LRP1: variants seen among roughly 807,000 people sequenced by gnomAD.
LRP1 encodes LDL receptor related protein 1.
A neutral mutation model predicts 541.5 loss-of-function variants in LRP1; 51 were observed. The observed-to-expected ratio is 0.09, with a 90% CI of 0.08 to 0.12. The LOEUF is 0.12. Ranked by LOEUF, LRP1 falls within the 10% of genes least tolerant of loss-of-function variation. The pLI, the probability that LRP1 is intolerant of heterozygous loss-of-function variation, is 1.00. For synonymous variants in LRP1, 2,219 were observed against 2,470.8 expected (o/e 0.90, Z 3.02); for missense variants, 3,878 against 6,376.2 (o/e 0.61, Z 13.34).
At chr12:57,148,240 GTTAC>G (rs1050501241) in intron 6 of LRP1, among the ~76,000 whole-genome samples, 1 of 149,762 alleles carries the variant, frequency 6.7e-6, no homozygotes, top group African/African-American at 2.5e-5. Context: ...CATCAAATCT[GTTAC>G]TTCAGCAATT....
intron 42 of LRP1, among the ~76,000 whole-genome samples, chr12:57,188,878 G>T (rs1485928567): frequency 6.6e-6 from 1 of 152,184 alleles, no homozygotes; most frequent in East Asian, 1.9e-4. Context: ...GGAGTGGCTG[G>T]GTGGGAGCAT....
At chr12:57,157,113 C>T (rs1360948010) in intron 10 of LRP1, among the ~76,000 whole-genome samples, 193 bp downstream of exon 10, 3 of 152,332 alleles carry the variant, frequency 2.0e-5, no homozygotes, top group Middle Eastern at 6.8e-3. Context: ...ACTCACCCAC[C>T]GGACTCTGCA....
Position 57,154,771 on chromosome 12 carries a change from C to A in LRP1, c.1227+70C>A, listed in dbSNP as rs1426782463. 1 of 1,388,450 alleles carries A rather than the reference C, an allele frequency of 7.2e-7. No homozygotes were observed. The highest frequency in any genetic ancestry group is 1.0e-6 in the Non-Finnish European group (1 of 1,000,964). 86.0% of individuals were successfully genotyped at this position (1,388,450 alleles called of 1,614,324 possible). A position where few individuals can be genotyped will look rare whatever the true frequency, so the allele number is the denominator to read the frequency against. ...AGGGCCTTCTGGTGAGGGGGGAAGC[C>A]TCTGTAGGGGAACCGTTCTCTGAGT... is the stretch of plus-strand genomic sequence containing the variant. On this transcript the variant is annotated intron_variant, in intron 8 of 88. Coordinates refer to ENST00000243077, the MANE Select transcript of LRP1 (RefSeq NM_002332.3). This position sits in a 1 kb window ranked among gnomAD's most constrained non-coding sequence, Gnocchi z 4.6.
chr12:57,206,638 G>C lies in LRP1; in HGVS notation c.11756G>C (p.Trp3919Ser). 1.2e-6 allele frequency: 2 copies of C among 1,614,088 alleles called. No individual in the cohort carries two copies. The highest frequency in any genetic ancestry group is 8.5e-7 in the Non-Finnish European group (1 of 1,180,028). ...VKAGRVYWTN[W>S]HTGTISYRSL... ...GCTGGCCGTGTCTATTGGACCAACT[G>C]GCACACGGGCACCATCTCCTACCGC... The change falls in exon 76 of 89, where the codon TGG (tryptophan) becomes TCG (serine). Residue 3919 changes from tryptophan (W) to serine (S), a missense_variant. Physicochemically the swap from Trp to Ser is radical, Grantham distance 177. Transcript: ENST00000243077. This position sits in a 1 kb window ranked among gnomAD's most constrained non-coding sequence, Gnocchi z 4.7.
rs1279291109 is a variant in LRP1, at chr12:57,154,765, G to A, written c.1227+64G>A. 4 of 1,437,736 alleles carry A rather than the reference G, an allele frequency of 2.8e-6. No homozygotes were observed. Among genetic ancestry groups the A allele is most frequent in the Admixed American group, 3.9e-5 (2 of 50,854 alleles). The allele number at this position is 1,437,736 out of a possible 1,614,324, so 89.1% of individuals were successfully genotyped here. On this transcript the variant is annotated intron_variant, in intron 8 of 88. Coordinates refer to ENST00000243077, the MANE Select transcript of LRP1 (RefSeq NM_002332.3). This position sits in a 1 kb window ranked among gnomAD's most constrained non-coding sequence, Gnocchi z 4.6. ...TGATCCAGGGCCTTCTGGTGAGGGG[G>A]GAAGCCTCTGTAGGGGAACCGTTCT... is the stretch of plus-strand genomic sequence containing the variant.
Position 57,200,826 on chromosome 12 carries a change from G to GGGGGGGCCCCCC in LRP1, c.10225+11_10225+12insGGGGGGCCCCCC. The GGGGGGGCCCCCC allele has an allele frequency of 3.8e-6, 6 of 1,581,382 alleles. No individual in the cohort carries two copies. Among genetic ancestry groups the GGGGGGGCCCCCC allele is most frequent in the Admixed American group, 1.7e-5 (1 of 58,546 alleles). The stretch of plus-strand genomic sequence containing the variant: ...ACGAGGCCAACTGTGGTAAGGCGCT[G>GGGGGGGCCCCCC]CCCGCCCACCCTCCCTCCTTCCCCA... On this transcript the variant is annotated intron_variant, in intron 64 of 88. Transcript: ENST00000243077.
intron 32 of LRP1, 51 bp from the exon 33 acceptor site, chr12:57,180,616 G>A (rs746416419): frequency 1.2e-6 from 2 of 1,611,606 alleles, no homozygotes; most frequent in Non-Finnish European, 1.7e-6. Flanking sequence ...CCCTTCAGGA[G>A]AGCTGGGTGT....
rs1267601281 is a variant in LRP1, at chr12:57,150,509, T to A, written c.842-3699T>A. On this transcript the variant is annotated intron_variant, in intron 6 of 88. Coordinates refer to ENST00000243077, the MANE Select transcript of LRP1 (RefSeq NM_002332.3). ...CCTGGCCTTGAAAACTTCCTTCTAA[T>A]AGGGCAAGCTTCCTTCTGGGAGCCT... Among the ~76,000 whole-genome samples, 5 of 152,108 alleles carry A rather than the reference T, an allele frequency of 3.3e-5. No homozygotes were observed. The East Asian group carries it at 9.6e-4, about 29-fold the overall frequency.
Position 57,183,714 on chromosome 12 carries a change from T to C in LRP1, c.5795-61T>C. On this transcript the variant is annotated intron_variant, in intron 35 of 88. Coordinates refer to ENST00000243077, the MANE Select transcript of LRP1 (RefSeq NM_002332.3). This position sits in a 1 kb window ranked among gnomAD's most constrained non-coding sequence, Gnocchi z 6.1. Reference sequence around the variant, plus strand: ...CCTCTGTCTTGAGCCTTGTGAGATTTTGACCCCTCACCTTACCCCTGCCTT... The same window carrying C: ...CCTCTGTCTTGAGCCTTGTGAGATTCTGACCCCTCACCTTACCCCTGCCTT... 1 of 1,603,692 alleles carries C rather than the reference T, an allele frequency of 6.2e-7. No homozygotes were observed. Among genetic ancestry groups the C allele is most frequent in the Non-Finnish European group, 8.5e-7 (1 of 1,175,624 alleles).
At position 57,183,279 on chromosome 12, in the gene LRP1, A is replaced by C; in HGVS notation, c.5663-100A>C. On this transcript the variant is annotated intron_variant, in intron 34 of 88. Transcript: ENST00000243077. The surrounding 1 kb of genome is among the most constrained non-coding windows in gnomAD (Gnocchi z 6.1). Reference sequence around the variant, plus strand: ...AGGATAGGGATGATGGTGGGGGGGGATGATATCAAAGGAGAAGCAGAGAAC... The same window carrying C: ...AGGATAGGGATGATGGTGGGGGGGGCTGATATCAAAGGAGAAGCAGAGAAC... 5.7e-5 allele frequency: 67 copies of C among 1,184,252 alleles called. No homozygotes were observed. Among genetic ancestry groups the C allele is most frequent in the Non-Finnish European group, 7.2e-5 (60 of 829,192 alleles). 73.4% of individuals were successfully genotyped at this position (1,184,252 alleles called of 1,614,324 possible).
At chr12:57,129,938 G>A (rs1474211685) in intron 1 of LRP1, among the ~76,000 whole-genome samples, 1 of 152,096 alleles carries the variant, frequency 6.6e-6, no homozygotes, top group Admixed American at 6.5e-5. Flanking sequence ...TTTATTCCCT[G>A]CACCCCTCCA....
At chr12:57,193,010 GCA>G (rs769909076) in intron 45 of LRP1, 40 bp downstream of exon 45, 1 of 1,605,100 alleles carries the variant, frequency 6.2e-7, no homozygotes, top group South Asian at 1.1e-5. Flanking sequence ...GGGAACCCAA[GCA>G]CACACCAGGG....
chr12:57,203,238 G>A lies in LRP1; in HGVS notation c.10769G>A (p.Gly3590Glu). 6.2e-7 allele frequency: 1 copy of A among 1,611,402 alleles called. No homozygotes were observed. Among genetic ancestry groups the A allele is most frequent in the Non-Finnish European group, 8.5e-7 (1 of 1,178,850 alleles). Residue 3590 changes from glycine to glutamate, a missense_variant, in exon 69 of 89, where the codon GGG becomes GAG. By Grantham distance (98) the Gly-to-Glu change is moderately conservative. This residue lies in a region of LRP1 where 278 missense variants were observed against 536.3 expected (regional missense o/e 0.52). Transcript: ENST00000243077. Reference protein sequence around the residue: ...FSCANGRCIAGRWKCDGDHDC... With the variant: ...FSCANGRCIAERWKCDGDHDC... Reference sequence around the variant, plus strand: ...TGTGCCAACGGCCGCTGCATCGCGGGGCGCTGGAAATGCGATGGAGACCAC... The same window carrying A: ...TGTGCCAACGGCCGCTGCATCGCGGAGCGCTGGAAATGCGATGGAGACCAC...
chr12:57,182,346 A>G (rs1217439274), intron 34 of LRP1, among the ~76,000 whole-genome samples: 1 of 151,998 alleles, frequency 6.6e-6, no homozygotes, highest in Admixed American at 6.6e-5. Context: ...CTCCGTCTCT[A>G]CTAAAACCAC....
chr12:57,199,578 C>G (rs1358594907), intron 61 of LRP1, among the ~76,000 whole-genome samples, 178 bp downstream of exon 61: 1 of 152,190 alleles, frequency 6.6e-6, no homozygotes, highest in African/African-American at 2.4e-5. Flanking sequence ...CGGCCTGGAT[C>G]CAGCCCTGGA....
At chr12:57,180,167 C>T (rs1344577169) in intron 31 of LRP1, 26 bp downstream of exon 31, 2 of 1,605,602 alleles carry the variant, frequency 1.2e-6, no homozygotes, top group Non-Finnish European at 1.7e-6. Context: ...CCCACCCCCA[C>T]AGCCCCTCCC....
At chr12:57,203,069 C>A in intron 68 of LRP1, 112 bp from the exon 69 acceptor site, 1 of 785,518 alleles carries the variant, frequency 1.3e-6, no homozygotes, top group Non-Finnish European at 2.0e-6. Context: ...GGTCAGTCAG[C>A]TGTGGCCTTC....
At chr12:57,138,610 C>T in intron 2 of LRP1, 29 bp downstream of exon 2, 1 of 1,612,462 alleles carries the variant, frequency 6.2e-7, no homozygotes, top group Non-Finnish European at 8.5e-7. Context: ...TTCTTCTCCC[C>T]AAACCCTTAA....
rs536873338 is a variant in LRP1, at chr12:57,156,948, C to T, written c.1561+28C>T. On this transcript the variant is annotated intron_variant, in intron 10 of 88. Coordinates refer to ENST00000243077, the MANE Select transcript of LRP1 (RefSeq NM_002332.3). This position sits in a 1 kb window ranked among gnomAD's most constrained non-coding sequence, Gnocchi z 5.2. ...GAGTGACAGGGAAGGGGGTGTGTGCCCATTGGGAGGCTGCGGGAGGGTTCC... is the reference window on the plus strand; with the variant it reads ...GAGTGACAGGGAAGGGGGTGTGTGCTCATTGGGAGGCTGCGGGAGGGTTCC... 3.2e-6 allele frequency: 5 copies of T among 1,539,666 alleles called. No homozygotes were observed. The East Asian group carries it at 9.2e-5, about 28-fold the overall frequency.
Sources: gnomAD v4.1 joint callset for allele counts (sites outside exome capture counted in the v4.1 genomes callset) on GRCh38, gnomAD v4.1.1 for gene constraint, gnomAD v4.1.1 regional missense constraint, Gnocchi (gnomAD v3.1) non-coding constraint, MANE v1.5 for transcripts, NCBI Gene and HGNC (gene_info 2026-07-23, HGNC 2026-07-21) for gene names.